The following ST7 variants were observed in gnomAD, a reference collection of about 807,000 sequenced individuals.
ST7 encodes suppressor of tumorigenicity 7 protein.
A neutral mutation model predicts 78.7 loss-of-function variants in ST7; 28 were observed. The ratio of observed to expected loss-of-function variants is 0.36; its 90% confidence interval spans 0.26 to 0.49. The LOEUF (loss-of-function observed/expected upper bound fraction) is 0.49. Among genes scored for constraint, ST7 ranks in the 20% least tolerant of loss-of-function variants. The probability of loss-of-function intolerance (pLI) is 0.99; values close to 1 mark genes in which losing one functional copy is unlikely to be tolerated. For missense variants in ST7, 418 were observed against 696.0 expected, an observed-to-expected ratio of 0.60 and a Z score of 4.49; for synonymous variants, 247 against 249.6, an observed-to-expected ratio of 0.99 and a Z score of 0.10.
At chr7:117,034,942 G>A (rs571958110) in intron 1 of ST7, among the ~76,000 whole-genome samples, 3 of 152,222 alleles carry the variant, frequency 2.0e-5, no homozygotes, top group East Asian at 1.9e-4. Context: ...CATCCAAGAT[G>A]TTTTGTTTAG....
intron 1 of ST7, among the ~76,000 whole-genome samples, chr7:117,092,689 C>T (rs573290271): frequency 6.6e-6 from 1 of 152,278 alleles, no homozygotes; most frequent in African/African-American, 2.4e-5. Context: ...GGTGTGTTCC[C>T]TACCTTACTT....
chr7:117,201,748 T>G (rs186966464), intron 12 of ST7, among the ~76,000 whole-genome samples: 1 of 151,860 alleles, frequency 6.6e-6, no homozygotes, highest in Non-Finnish European at 1.5e-5. Flanking sequence ...TTGCCTGCCT[T>G]GGCCTCCCAA....
At chr7:117,080,557 C>A (rs910146408) in intron 1 of ST7, among the ~76,000 whole-genome samples, 1 of 151,964 alleles carries the variant, frequency 6.6e-6, no homozygotes, top group Non-Finnish European at 1.5e-5. Context: ...AATATTTTTA[C>A]ATGCCTATTA....
Position 117,062,696 on chromosome 7 carries a change from A to G in ST7, c.152-37066A>G, listed in dbSNP as rs182559443. On this transcript the variant is annotated intron_variant, in intron 1 of 15. Transcript: ENST00000323984. ...GATATAATCATTAATACAATAGTTT[A>G]TCATGGGTAAGTTAAATTAAATGTA... 1.8e-3 allele frequency among the ~76,000 whole-genome samples: 277 copies of G among 152,350 alleles called. 6 individuals are homozygous for G. Among genetic ancestry groups the G allele is most frequent in the Admixed American group, 0.017 (254 of 15,304 alleles).
chr7:117,124,961 A>G (rs1803705163), intron 3 of ST7, among the ~76,000 whole-genome samples: 1 of 152,098 alleles, frequency 6.6e-6, no homozygotes, highest in Admixed American at 6.6e-5. Context: ...CAGGCCATTC[A>G]GTGCTTTCAT....
chr7:117,176,762 T>C (rs553497171), intron 10 of ST7, among the ~76,000 whole-genome samples: 3 of 152,356 alleles, frequency 2.0e-5, no homozygotes, highest in South Asian at 2.1e-4. Flanking sequence ...AGTGTCAGTA[T>C]GTCCATACTT....
intron 1 of ST7, among the ~76,000 whole-genome samples, chr7:116,988,242 G>A (rs1794270436): frequency 6.6e-6 from 1 of 152,204 alleles, no homozygotes; most frequent in African/African-American, 2.4e-5. Context: ...TTGCTTTGAT[G>A]AACTTGGAGG....
chr7:117,161,587 CTTTCTTTTTTTTTTTTTT>C (rs1807152044), intron 9 of ST7, among the ~76,000 whole-genome samples: 1 of 80,976 alleles, frequency 1.2e-5, no homozygotes, highest in Non-Finnish European at 2.5e-5. Context: ...TGTTTTCTTT[CTTTCTTTTTTTTTTTTTT>C]TTTTTTCTTT....
At chr7:116,992,989 A>G (rs1161913046) in intron 1 of ST7, among the ~76,000 whole-genome samples, 1 of 152,194 alleles carries the variant, frequency 6.6e-6, no homozygotes, top group Non-Finnish European at 1.5e-5. Context: ...CCTCATTTCC[A>G]TCTGAGATGA....
intron 1 of ST7, among the ~76,000 whole-genome samples, chr7:117,028,016 T>A (rs1796296579): frequency 2.0e-5 from 3 of 152,172 alleles, no homozygotes; most frequent in Admixed American, 1.3e-4. Flanking sequence ...TTATCACACA[T>A]AATGGGTACA....
chr7:117,114,704 G>T (rs1802715120), intron 2 of ST7, among the ~76,000 whole-genome samples: 1 of 152,176 alleles, frequency 6.6e-6, no homozygotes, highest in African/African-American at 2.4e-5. Flanking sequence ...TGATAATAGG[G>T]CATAGGGAAA....
At chr7:117,099,938 T>A in intron 2 of ST7, 94 bp downstream of exon 2, 1 of 946,906 alleles carries the variant, frequency 1.1e-6, no homozygotes. Context: ...GAATATACAC[T>A]AACAGGTTAC....
intron 1 of ST7, among the ~76,000 whole-genome samples, chr7:117,082,753 CT>C (rs1464720491): frequency 6.6e-6 from 1 of 152,188 alleles, no homozygotes; most frequent in African/African-American, 2.4e-5. Flanking sequence ...GCTTTGCAGG[CT>C]GTACAGTTTG....
At chr7:116,961,281 A>G (rs538555833) in intron 1 of ST7, among the ~76,000 whole-genome samples, 12 of 152,198 alleles carry the variant, frequency 7.9e-5, no homozygotes, top group African/African-American at 2.9e-4. Flanking sequence ...TTTGCTTAGG[A>G]TTGCTTTGGC....
intron 1 of ST7, among the ~76,000 whole-genome samples, chr7:116,987,114 T>C (rs1014322607): frequency 6.6e-6 from 1 of 152,250 alleles, no homozygotes; most frequent in Admixed American, 6.5e-5. Context: ...TCTGATCCTA[T>C]GGCTTTTCTT....
chr7:117,181,131 C>T (rs947657001), intron 10 of ST7, among the ~76,000 whole-genome samples: 2 of 151,628 alleles, frequency 1.3e-5, no homozygotes, highest in African/African-American at 2.4e-5. Flanking sequence ...CAATTAGTCC[C>T]AATAGATAAA....
chr7:117,171,937 C>G (rs1268583088), intron 10 of ST7, among the ~76,000 whole-genome samples: 1 of 147,154 alleles, frequency 6.8e-6, no homozygotes, highest in Non-Finnish European at 1.5e-5. Context: ...CAAACTATAC[C>G]ATTTGGGTCT....
chr7:117,195,632 A>G (rs1439175251), intron 12 of ST7, among the ~76,000 whole-genome samples: 3 of 152,222 alleles, frequency 2.0e-5, no homozygotes, highest in African/African-American at 7.2e-5. Flanking sequence ...CAGAAGAATG[A>G]GCAAAAGGAG....
intron 1 of ST7, among the ~76,000 whole-genome samples, chr7:117,012,126 A>G (rs1584446575): frequency 1.3e-5 from 2 of 152,342 alleles, no homozygotes; most frequent in South Asian, 2.1e-4. Flanking sequence ...AGCTATCACA[A>G]TGACTAAACA....
Sources: allele counts gnomAD v4.1 joint callset (sites outside exome capture counted in the v4.1 genomes callset), GRCh38; gene constraint gnomAD v4.1.1; transcripts MANE v1.5; gene names NCBI Gene and HGNC (gene_info 2026-07-23, HGNC 2026-07-21).